DMXL1: variants seen among roughly 807,000 people sequenced by gnomAD.
The protein encoded by DMXL1 is Dmx like 1.
A neutral mutation model predicts 319.2 loss-of-function variants in DMXL1; 99 were observed. The observed-to-expected ratio is 0.31, with a 90% CI of 0.26 to 0.37. DMXL1 has a LOEUF of 0.37. DMXL1 is among the 10% of genes least tolerant of loss of function. DMXL1 has a pLI of 1.00. For missense variants in DMXL1, 3,745 were observed against 3,595.6 expected, an observed-to-expected ratio of 1.04 and a Z score of -1.06; for synonymous variants, 1,385 against 1,235.2, an observed-to-expected ratio of 1.12 and a Z score of -2.54.
Position 119,134,263 on chromosome 5 carries a change from T to C in DMXL1, c.2255-5T>C, listed in dbSNP as rs1765528226. ...GAAATTTTAATATTTGTAAATACTTTCTAGGTGCATACTGCAACTCTCCTA... is the reference window on the plus strand; with the variant it reads ...GAAATTTTAATATTTGTAAATACTTCCTAGGTGCATACTGCAACTCTCCTA... On this transcript the variant is annotated splice_region_variant and splice_polypyrimidine_tract_variant and intron_variant, in intron 12 of 43. Coordinates refer to ENST00000539542, the MANE Select transcript of DMXL1 (RefSeq NM_001290321.3). 6.2e-7 allele frequency: 1 copy of C among 1,608,510 alleles called. No individual in the cohort carries two copies. Among genetic ancestry groups the C allele is most frequent in the Non-Finnish European group, 8.5e-7 (1 of 1,178,604 alleles).
At chr5:119,080,108 A>T (rs898780349) in intron 1 of DMXL1, among the ~76,000 whole-genome samples, 18 of 152,210 alleles carry the variant, frequency 1.2e-4, no homozygotes, top group African/African-American at 4.3e-4. Flanking sequence ...GCACTTTGGG[A>T]GGCTGAGGCG....
intron 27 of DMXL1, 64 bp downstream of exon 27, chr5:119,177,548 A>G (rs1581172562): frequency 2.2e-6 from 3 of 1,390,512 alleles, no homozygotes; most frequent in Non-Finnish European, 1.9e-6. Context: ...ATAAGTAGAA[A>G]GACTTTTAGT....
chr5:119,154,022 C>T lies in DMXL1; in HGVS notation c.4702+1986C>T, dbSNP rs140154248. Among the ~76,000 whole-genome samples, 857 of 152,226 alleles carry T rather than the reference C, an allele frequency of 5.6e-3. 9 individuals carry two copies. Among genetic ancestry groups the T allele is most frequent in the African/African-American group, 0.02 (825 of 41,528 alleles). ...TACTATTATAATGGTTTTGGAGTGC[C>T]ATGAACTGCGCCTATGTAGGACAAT... On this transcript the variant is annotated intron_variant, in intron 19 of 43. Transcript: ENST00000539542.
intron 19 of DMXL1, among the ~76,000 whole-genome samples, chr5:119,160,726 T>G (rs1772094337): frequency 6.6e-6 from 1 of 152,192 alleles, no homozygotes; most frequent in Non-Finnish European, 1.5e-5. Flanking sequence ...TTATAATTAT[T>G]AATATCCTCT....
chr5:119,123,553 T>C (rs1398820113), intron 9 of DMXL1, among the ~76,000 whole-genome samples: 1 of 152,172 alleles, frequency 6.6e-6, no homozygotes, highest in East Asian at 1.9e-4. Flanking sequence ...TGACTTGTGA[T>C]TTAGGATCTT....
At chr5:119,124,417 A>T (rs182460887) in intron 9 of DMXL1, among the ~76,000 whole-genome samples, 1 of 152,102 alleles carries the variant, frequency 6.6e-6, no homozygotes. Flanking sequence ...GGGAACCTCA[A>T]CTTCAGTCTT....
chr5:119,142,856 A>G (rs1267911887), intron 13 of DMXL1, among the ~76,000 whole-genome samples: 5 of 152,176 alleles, frequency 3.3e-5, no homozygotes, highest in African/African-American at 1.2e-4. Context: ...CTGTGCAGCC[A>G]TAAAAAAGAA....
At chr5:119,173,668 ATGTATGTGTGTGTGTG>A (rs1775067392) in intron 25 of DMXL1, among the ~76,000 whole-genome samples, 1 of 100,466 alleles carries the variant, frequency 1.0e-5, no homozygotes, top group African/African-American at 3.0e-5. Context: ...AATCAGTAGG[ATGTATGTGTGTGTGTG>A]TGTGTGTGTG....
chr5:119,136,637 G>A (rs1215289933), intron 13 of DMXL1, among the ~76,000 whole-genome samples: 2 of 152,262 alleles, frequency 1.3e-5, no homozygotes, highest in Non-Finnish European at 2.9e-5. Flanking sequence ...TTGGGATTCA[G>A]TGCCCTGCCT....
chr5:119,185,143 C>G (rs552035160), intron 28 of DMXL1, among the ~76,000 whole-genome samples: 2 of 152,194 alleles, frequency 1.3e-5, no homozygotes, highest in Non-Finnish European at 1.5e-5. Flanking sequence ...CCCCATCTCT[C>G]CTTTCTTCTT....
At chr5:119,108,520 C>T (rs1313560975) in intron 4 of DMXL1, among the ~76,000 whole-genome samples, 1 of 152,090 alleles carries the variant, frequency 6.6e-6, no homozygotes, top group Non-Finnish European at 1.5e-5. Context: ...ACTCCCCAGG[C>T]TTGAGTGATC....
intron 9 of DMXL1, chr5:119,127,258 C>G (rs563635271): frequency 2.3e-5 from 5 of 220,974 alleles, no homozygotes; most frequent in Non-Finnish European, 4.8e-5. Context: ...CAGCAACACC[C>G]TTAGGATACT....
chr5:119,168,074 AT>A (rs1561779143), intron 23 of DMXL1, among the ~76,000 whole-genome samples: 1 of 152,198 alleles, frequency 6.6e-6, no homozygotes, highest in East Asian at 1.9e-4. Context: ...TACAAAATAG[AT>A]TTACATAAAT....
At chr5:119,246,630 C>CTTTTTTTTTT (rs11284492) in intron 43 of DMXL1, among the ~76,000 whole-genome samples, 1 of 70,386 alleles carries the variant, frequency 1.4e-5, no homozygotes, top group Non-Finnish European at 3.0e-5. Context: ...TTTTCTTTTC[C>CTTTTTTTTTT]TTTTTTTTTT....
chr5:119,088,899 G>A (rs986937822), intron 1 of DMXL1, among the ~76,000 whole-genome samples: 1 of 152,022 alleles, frequency 6.6e-6, no homozygotes, highest in East Asian at 1.9e-4. Context: ...ATAGAGTTAT[G>A]AATAGGTTAC....
rs1432602416 is a variant in DMXL1, at chr5:119,148,965, T to C, written c.3138T>C (p.Pro1046=). ...GTAGTATAACTGTACCTGGTAGGCC[T>C]GTAGAAGTTAGCTGTGCACATACAA... ...SNSSITVPGR[P]VEVSCAHTNR... The change falls in exon 18 of 44, where the codon CCT becomes CCC. Residue 1046 remains proline (P), a synonymous_variant. Coordinates refer to ENST00000539542, the MANE Select transcript of DMXL1 (RefSeq NM_001290321.3). The C allele has an allele frequency of 2.0e-5, 33 of 1,613,876 alleles. No homozygotes were observed. The highest frequency in any genetic ancestry group is 2.7e-5 in the Non-Finnish European group (32 of 1,179,868).
chr5:119,103,977 TA>T (rs1337000264), intron 3 of DMXL1, among the ~76,000 whole-genome samples: 4 of 152,128 alleles, frequency 2.6e-5, no homozygotes, highest in Non-Finnish European at 5.9e-5. Flanking sequence ...GAAAGGACAA[TA>T]AAAAACTTGA....
chr5:119,130,447 A>G (rs762761351), intron 10 of DMXL1, among the ~76,000 whole-genome samples: 18 of 152,030 alleles, frequency 1.2e-4, no homozygotes, highest in East Asian at 5.8e-4. Flanking sequence ...GGTTCAAGCA[A>G]TTCTCCTGCC....
In DMXL1 at chr5:119,143,865, A is replaced by G. The variant is rs776268258; in HGVS notation, c.2401A>G (p.Ile801Val). The G allele has an allele frequency of 1.8e-5, 28 of 1,587,226 alleles. No homozygotes were observed. The highest frequency in any genetic ancestry group is 2.3e-5 in the Non-Finnish European group (27 of 1,167,428). Reference sequence around the variant, plus strand: ...GAAATATGTTGGTGAAGTCTTTAACATCGTCAGTCAACAATCAACAGCCAG... The same window carrying G: ...GAAATATGTTGGTGAAGTCTTTAACGTCGTCAGTCAACAATCAACAGCCAG... ...ISKYVGEVFN[I>V]VSQQSTARPG... Residue 801 changes from isoleucine to valine, a missense_variant, in exon 14 of 44, where the codon ATC becomes GTC. Physicochemically the swap from Ile to Val is conservative, Grantham distance 29 (BLOSUM62 3). This residue lies in a region of DMXL1 where 2,096 missense variants were observed against 1,985.4 expected (regional missense o/e 1.06). Transcript: ENST00000539542.
Sources: gnomAD v4.1 joint callset for allele counts (sites outside exome capture counted in the v4.1 genomes callset) on GRCh38, gnomAD v4.1.1 for gene constraint, gnomAD v4.1.1 regional missense constraint, MANE v1.5 for transcripts, NCBI Gene and HGNC (gene_info 2026-07-23, HGNC 2026-07-21) for gene names.